WDFY3: variants seen among roughly 807,000 people sequenced by gnomAD.
WDFY3 encodes the protein WD repeat and FYVE domain containing 3, also known as WD repeat and FYVE domain-containing protein 3.
In WDFY3, 66 loss-of-function variants were observed where a neutral mutation model predicts 409.6. The ratio of observed to expected loss-of-function variants is 0.16; its 90% CI spans 0.13 to 0.20. WDFY3 has a LOEUF of 0.20. Among genes scored for constraint, WDFY3 ranks in the 10% least tolerant of loss-of-function variants. The pLI, the probability that WDFY3 is intolerant of heterozygous loss-of-function variation, is 1.00. For synonymous variants in WDFY3, 1,521 were observed against 1,537.1 expected (o/e 0.99, Z 0.25); for missense variants, 3,031 against 4,298.1 (o/e 0.71, Z 8.24).
At chr4:84,751,274 A>T in intron 36 of WDFY3, 1 of 599,184 alleles carries the variant, frequency 1.7e-6, no homozygotes, top group Non-Finnish European at 2.9e-6. Flanking sequence ...AAAGGACTGA[A>T]TTAGAGACAT....
chr4:84,819,162 G>C (rs1057388822), intron 12 of WDFY3, among the ~76,000 whole-genome samples: 10 of 151,942 alleles, frequency 6.6e-5, no homozygotes, highest in Non-Finnish European at 1.3e-4. Flanking sequence ...CTATAATTAT[G>C]TGTCTACATT....
At position 84,835,225 on chromosome 4, in the gene WDFY3, A is replaced by G. The variant is rs1756405906; in HGVS notation, c.576+1704T>C. Among the ~76,000 whole-genome samples the G allele has an allele frequency of 3.3e-5, 5 of 152,234 alleles. No homozygotes were observed. The South Asian group carries it at 1.0e-3, about 32-fold the overall frequency. On this transcript the variant is annotated intron_variant, in intron 7 of 67. Coordinates refer to ENST00000295888, the MANE Select transcript of WDFY3 (RefSeq NM_014991.6). ...CTTATGTAGGTATTAAAAGTATAAA[A>G]TGCAGATTCCATTTATTACCTAAGG...
At chr4:84,779,323 T>A (rs545988385) in intron 26 of WDFY3, among the ~76,000 whole-genome samples, 3 of 152,366 alleles carry the variant, frequency 2.0e-5, no homozygotes, top group Admixed American at 6.5e-5. Flanking sequence ...AAGGCATTTG[T>A]ACTTCGTGTA....
At chr4:84,856,939 T>C (rs1036643939) in intron 4 of WDFY3, among the ~76,000 whole-genome samples, 4 of 152,290 alleles carry the variant, frequency 2.6e-5, no homozygotes, top group Non-Finnish European at 5.9e-5. Flanking sequence ...TAAATAGATA[T>C]GGCTATATAT....
At chr4:84,922,125 G>A (rs920086553) in intron 2 of WDFY3, among the ~76,000 whole-genome samples, 1 of 151,868 alleles carries the variant, frequency 6.6e-6, no homozygotes, top group African/African-American at 2.4e-5. Flanking sequence ...ACCTACACCT[G>A]TAGATTTTAG....
chr4:84,930,356 T>C (rs1249044506), intron 2 of WDFY3, among the ~76,000 whole-genome samples: 2 of 152,164 alleles, frequency 1.3e-5, no homozygotes, highest in African/African-American at 2.4e-5. Flanking sequence ...TATAATCTAA[T>C]CTACTCATTT....
chr4:84,835,247 A>G (rs1000142093), intron 7 of WDFY3, among the ~76,000 whole-genome samples: 26 of 152,210 alleles, frequency 1.7e-4, no homozygotes, highest in African/African-American at 6.0e-4. Context: ...TTTATTACCT[A>G]AGGCATTAGT....
intron 44 of WDFY3, among the ~76,000 whole-genome samples, chr4:84,727,430 A>G (rs1466936451): frequency 6.6e-6 from 1 of 152,204 alleles, no homozygotes; most frequent in Non-Finnish European, 1.5e-5. Flanking sequence ...CTCCCTTAAA[A>G]GCATAAGGAT....
chr4:84,735,347 G>T (rs561371270), intron 42 of WDFY3, among the ~76,000 whole-genome samples: 1 of 152,146 alleles, frequency 6.6e-6, no homozygotes, highest in Non-Finnish European at 1.5e-5. Context: ...TGCTGCCCAC[G>T]TGTCTGGGCT....
chr4:84,705,509 C>T lies in WDFY3; in HGVS notation c.8220G>A (p.Glu2740=), dbSNP rs1226551091. ...PWILADYDSE[E]VDLTNPKTFR... is the part of the protein sequence containing the mutation. ...ACGTCTTGGGATTAGTAAGATCCAC[C>T]TCCTAAAATACAAAATGTAACTCAA... The change falls in exon 54 of 68, where the codon GAG becomes GAA. Residue 2740 remains glutamate, a splice_region_variant and synonymous_variant. Transcript: ENST00000295888. The T allele has an allele frequency of 6.2e-7, 1 of 1,612,262 alleles. No homozygotes were observed. Among genetic ancestry groups the T allele is most frequent in the Non-Finnish European group, 8.5e-7 (1 of 1,178,496 alleles).
chr4:84,724,449 T>G lies in WDFY3; in HGVS notation c.7418A>C (p.Glu2473Ala). ...EAAQQEPEHG[E>A]DTIAKVKGLV... ...ACCTTTGACTTTAGCAATAGTGTCT[T>G]CCCCATGCTCTGGTTCTTGCTGAGC... The change falls in exon 46 of 68, where the codon GAA becomes GCA. Residue 2473 changes from glutamate (E) to alanine (A), a missense_variant. Coordinates refer to ENST00000295888, the MANE Select transcript of WDFY3 (RefSeq NM_014991.6). The G allele has an allele frequency of 1.9e-6, 3 of 1,612,890 alleles. No homozygotes were observed. Among genetic ancestry groups the G allele is most frequent in the Non-Finnish European group, 2.5e-6 (3 of 1,179,600 alleles).
At chr4:84,818,968 A>T (rs1333605042) in intron 12 of WDFY3, among the ~76,000 whole-genome samples, 3 of 152,078 alleles carry the variant, frequency 2.0e-5, no homozygotes, top group Non-Finnish European at 4.4e-5. Flanking sequence ...GTCTATCTTC[A>T]TTATGTTTCT....
chr4:84,776,247 G>A (rs919296830), intron 27 of WDFY3, among the ~76,000 whole-genome samples: 9 of 151,896 alleles, frequency 5.9e-5, no homozygotes, highest in Non-Finnish European at 1.0e-4. Flanking sequence ...TGTTTTAGAT[G>A]CACATAATAA....
intron 1 of WDFY3, among the ~76,000 whole-genome samples, chr4:84,951,639 CAG>C (rs1279037264): frequency 6.6e-6 from 1 of 152,196 alleles, no homozygotes; most frequent in Non-Finnish European, 1.5e-5. Flanking sequence ...AAAAAGCACA[CAG>C]ATGTGAACGT....
chr4:84,956,181 T>G (rs1774217152), intron 1 of WDFY3, among the ~76,000 whole-genome samples: 1 of 152,294 alleles, frequency 6.6e-6, no homozygotes, highest in East Asian at 1.9e-4. Flanking sequence ...GGGCCTGGTA[T>G]TAATTGGCTG....
intron 1 of WDFY3, 71 bp downstream of exon 1, chr4:84,966,138 G>A (rs1312455146): frequency 1.3e-5 from 2 of 151,748 alleles, no homozygotes; most frequent in East Asian, 1.9e-4. Context: ...AAAGCGGCCA[G>A]GCGCGCCGGG....
intron 2 of WDFY3, among the ~76,000 whole-genome samples, chr4:84,925,938 T>C (rs72664952): frequency 0.41 from 61,952 of 151,390 alleles, 13,286 homozygotes; most frequent in African/African-American, 0.52. Context: ...TTAAACATTT[T>C]TGCATGTTTA....
chr4:84,692,788 T>C, intron 59 of WDFY3, 97 bp downstream of exon 59: 1 of 1,184,128 alleles, frequency 8.4e-7, no homozygotes. Context: ...TTAAACAAAT[T>C]ATGCTATCGT....
intron 6 of WDFY3, among the ~76,000 whole-genome samples, chr4:84,838,109 A>T (rs954318685): frequency 6.6e-6 from 1 of 152,238 alleles, no homozygotes; most frequent in African/African-American, 2.4e-5. Context: ...AGGTTAGGCC[A>T]TATGGTACAG....
Sources: gnomAD v4.1 joint callset for allele counts (sites outside exome capture counted in the v4.1 genomes callset) on GRCh38, gnomAD v4.1.1 for gene constraint, MANE v1.5 for transcripts, NCBI Gene and HGNC (gene_info 2026-07-23, HGNC 2026-07-21) for gene names.